RAB6A: variants seen among roughly 807,000 people sequenced by gnomAD.
RAB6A encodes ras-related protein Rab-6A.
RAB6A carries 8 observed loss-of-function variants against 32.3 expected under a neutral mutation model. That is an observed-to-expected ratio of 0.25 (90% CI 0.15 to 0.45). The LOEUF (loss-of-function observed/expected upper bound fraction) is 0.45. RAB6A is among the 20% of genes least tolerant of loss of function. The pLI is 1.00. For synonymous variants in RAB6A, 73 were observed against 82.1 expected, an observed-to-expected ratio of 0.89 and a Z score of 0.60; for missense variants, 104 against 249.4, an observed-to-expected ratio of 0.42 and a Z score of 3.93.
intron 6 of RAB6A, among the ~76,000 whole-genome samples, chr11:73,685,227 G>T (rs1348222271): frequency 6.7e-6 from 1 of 150,212 alleles, no homozygotes; most frequent in Admixed American, 6.6e-5. Flanking sequence ...AGATTATTGT[G>T]TAAGTTAAGG....
chr11:73,733,125 C>A (rs1946343767), intron 1 of RAB6A, among the ~76,000 whole-genome samples: 1 of 152,114 alleles, frequency 6.6e-6, no homozygotes, highest in South Asian at 2.1e-4. Flanking sequence ...TTATTTTCTT[C>A]ATGGCATCTG....
chr11:73,699,231 C>T (rs936680102), intron 6 of RAB6A, among the ~76,000 whole-genome samples: 4 of 151,812 alleles, frequency 2.6e-5, no homozygotes. Context: ...CAATAAACCT[C>T]TTTGTGCCAG....
chr11:73,725,575 A>C (rs1324291190), intron 2 of RAB6A, among the ~76,000 whole-genome samples: 1 of 152,212 alleles, frequency 6.6e-6, no homozygotes, highest in Non-Finnish European at 1.5e-5. Context: ...AGAGAATCAG[A>C]AGCAAGCGAA....
At chr11:73,708,452 A>T (rs1945885865) in intron 5 of RAB6A, among the ~76,000 whole-genome samples, 1 of 152,198 alleles carries the variant, frequency 6.6e-6, no homozygotes, top group Non-Finnish European at 1.5e-5. Context: ...TAGAGGCGTG[A>T]GCCACCGTGC....
chr11:73,680,422 C>A (rs542621243), intron 6 of RAB6A, among the ~76,000 whole-genome samples: 1 of 152,122 alleles, frequency 6.6e-6, no homozygotes, highest in Admixed American at 6.5e-5. Flanking sequence ...TTTGGGAGGC[C>A]AAGGGGTGTG....
At chr11:73,752,787 A>T (rs1453828222) in intron 1 of RAB6A, among the ~76,000 whole-genome samples, 2 of 151,526 alleles carry the variant, frequency 1.3e-5, no homozygotes, top group Non-Finnish European at 2.9e-5. Context: ...CACTGCACTC[A>T]AGCCTGGGTG....
intron 2 of RAB6A, among the ~76,000 whole-genome samples, chr11:73,727,842 A>G (rs1266798933): frequency 6.6e-6 from 1 of 152,230 alleles, no homozygotes; most frequent in African/African-American, 2.4e-5. Context: ...AACATTTGCT[A>G]TATTACAAAG....
chr11:73,734,100 A>G (rs1946357954), intron 1 of RAB6A, among the ~76,000 whole-genome samples: 2 of 152,198 alleles, frequency 1.3e-5, no homozygotes, highest in East Asian at 3.9e-4. Flanking sequence ...CAGTTTAATA[A>G]CGGAGAAGAA....
intron 1 of RAB6A, among the ~76,000 whole-genome samples, chr11:73,745,226 G>C (rs1458811481): frequency 6.6e-6 from 1 of 152,066 alleles, no homozygotes; most frequent in African/African-American, 2.4e-5. Context: ...GATAAAATAA[G>C]AAACAAGAAC....
intron 5 of RAB6A, among the ~76,000 whole-genome samples, chr11:73,708,523 G>T: frequency 6.6e-6 from 1 of 152,000 alleles, no homozygotes. Flanking sequence ...GTATGGTAAA[G>T]CCTCTAGATA....
chr11:73,730,489 A>G (rs1946286587), intron 2 of RAB6A: 1 of 296,910 alleles, frequency 3.4e-6, no homozygotes, highest in Non-Finnish European at 6.1e-6. Flanking sequence ...GCTTGGACAA[A>G]ATCTATAGAG....
intron 1 of RAB6A, among the ~76,000 whole-genome samples, chr11:73,738,245 C>T (rs1375341763): frequency 6.6e-6 from 1 of 152,048 alleles, no homozygotes; most frequent in Non-Finnish European, 1.5e-5. Flanking sequence ...TGAGCTCAAG[C>T]AATCCTCCCA....
chr11:73,706,513 C>CAAAA (rs11287642), intron 6 of RAB6A, among the ~76,000 whole-genome samples: 1 of 140,718 alleles, frequency 7.1e-6, no homozygotes, highest in Non-Finnish European at 1.5e-5. Flanking sequence ...GACTCCATCT[C>CAAAA]AAAAAAAAAA....
intron 1 of RAB6A, among the ~76,000 whole-genome samples, chr11:73,747,413 G>C (rs1312737437): frequency 3.4e-5 from 5 of 145,462 alleles, no homozygotes; most frequent in African/African-American, 1.3e-4. Context: ...GGCTGGTCTC[G>C]AACTCCTGAC....
At chr11:73,750,103 C>T (rs1000561127) in intron 1 of RAB6A, among the ~76,000 whole-genome samples, 14 of 152,112 alleles carry the variant, frequency 9.2e-5, no homozygotes, top group South Asian at 6.2e-4. Flanking sequence ...CGAAGGTAGA[C>T]GTCAGACCAT....
Position 73,716,257 on chromosome 11 carries a change from T to A in RAB6A, c.395A>T (p.Asp132Val). 1 of 1,602,692 alleles carries A rather than the reference T, an allele frequency of 6.2e-7. No homozygotes were observed. Among genetic ancestry groups the A allele is most frequent in the South Asian group, 1.1e-5 (1 of 90,728 alleles). The change falls in exon 5 of 8, where the codon GAC (aspartate) becomes GTC (valine). Residue 132 changes from aspartate to valine, a missense_variant. Asp to Val is a radical substitution (Grantham distance 152). Around this residue, in one of 4 missense-constraint regions of RAB6A, gnomAD observed 21 missense variants for 18.2 expected, o/e 1.15. Coordinates refer to ENST00000336083, the MANE Select transcript of RAB6A (RefSeq NM_198896.2). ...MLVGNKTDLA[D>V]KRQVSIEEGE... ...ATATAAAATAACTCCATACCTCTTG[T>A]CAGCAAGATCTGTTTTATTTCCTAC...
chr11:73,700,103 TTTTTC>T (rs537682949), intron 6 of RAB6A, among the ~76,000 whole-genome samples: 155 of 152,060 alleles, frequency 1.0e-3, no homozygotes, highest in Middle Eastern at 3.4e-3. Flanking sequence ...GATCAAGGAG[TTTTTC>T]TTTTCTTTTT....
At chr11:73,683,670 ATCCT>A (rs1388717097) in intron 6 of RAB6A, among the ~76,000 whole-genome samples, 1 of 151,926 alleles carries the variant, frequency 6.6e-6, no homozygotes, top group Non-Finnish European at 1.5e-5. Flanking sequence ...CTCCTGCCTT[ATCCT>A]TCCAAGTAGC....
intron 3 of RAB6A, among the ~76,000 whole-genome samples, chr11:73,720,072 C>CAAGT (rs1383097128): frequency 6.6e-6 from 1 of 151,190 alleles, no homozygotes; most frequent in Admixed American, 6.6e-5. Flanking sequence ...GTTTAGGTGA[C>CAAGT]AAGTATCTCT....
Sources: gnomAD v4.1 joint callset for allele counts (sites outside exome capture counted in the v4.1 genomes callset) on GRCh38, gnomAD v4.1.1 for gene constraint, gnomAD v4.1.1 regional missense constraint, MANE v1.5 for transcripts, NCBI Gene and HGNC (gene_info 2026-07-23, HGNC 2026-07-21) for gene names.